The following ELF1 variants were observed in gnomAD, a reference collection of about 807,000 sequenced individuals.
The protein encoded by ELF1 is E74 like ETS transcription factor 1.
ELF1 carries 24 observed loss-of-function variants against 59.9 expected under a neutral mutation model. That is an observed-to-expected ratio of 0.40 (90% CI 0.29 to 0.56). The LOEUF is 0.56. ELF1 is among the 20% of genes least tolerant of loss of function. ELF1 has a pLI of 0.44. For synonymous variants in ELF1, 248 were observed against 266.2 expected, an observed-to-expected ratio of 0.93 and a Z score of 0.67; for missense variants, 627 against 742.2, an observed-to-expected ratio of 0.84 and a Z score of 1.80.
intron 1 of ELF1, among the ~76,000 whole-genome samples, chr13:41,034,364 A>G (rs1876288665): frequency 6.6e-6 from 1 of 152,232 alleles, no homozygotes; most frequent in Non-Finnish European, 1.5e-5. Context: ...TTTCATCACT[A>G]TACTATGACT....
intron 1 of ELF1, 58 bp from the exon 2 acceptor site, chr13:40,982,340 T>C: frequency 8.8e-7 from 1 of 1,130,244 alleles, no homozygotes; most frequent in Non-Finnish European, 1.1e-6. Context: ...TAGGATATAA[T>C]AACTGATACA....
At chr13:40,948,111 G>A (rs1307159375) in intron 5 of ELF1, among the ~76,000 whole-genome samples, 1 of 152,164 alleles carries the variant, frequency 6.6e-6, no homozygotes, top group East Asian at 1.9e-4. Flanking sequence ...AAATAAATGA[G>A]GCAAGTCCTA....
chr13:41,016,775 G>A (rs954301832), intron 1 of ELF1, among the ~76,000 whole-genome samples: 2 of 150,876 alleles, frequency 1.3e-5, no homozygotes, highest in African/African-American at 4.9e-5. Context: ...TTAGCTGGGC[G>A]TGGTGGCGCA....
chr13:41,020,853 T>C (rs1875659425), upstream of ELF1, among the ~76,000 whole-genome samples: 1 of 152,118 alleles, frequency 6.6e-6, no homozygotes, highest in African/African-American at 2.4e-5. Context: ...AATGTAAACC[T>C]AACAATTTGA....
At chr13:40,991,904 T>A (rs1191820357) in intron 1 of ELF1, among the ~76,000 whole-genome samples, 1 of 152,190 alleles carries the variant, frequency 6.6e-6, no homozygotes, top group Non-Finnish European at 1.5e-5. Flanking sequence ...AAGTAGTGAT[T>A]TGGGATCACA....
At chr13:41,024,273 T>C (rs571865008), upstream of ELF1, among the ~76,000 whole-genome samples, 38 of 152,254 alleles carry the variant, frequency 2.5e-4, no homozygotes, top group Non-Finnish European at 4.1e-4. Flanking sequence ...GTCAGGCTTA[T>C]GAGAACCACT....
At chr13:41,001,971 A>C (rs1874474165) in intron 1 of ELF1, among the ~76,000 whole-genome samples, 1 of 152,220 alleles carries the variant, frequency 6.6e-6, no homozygotes, top group Non-Finnish European at 1.5e-5. Context: ...ACTCCTAGTT[A>C]CAATCCAACC....
intron 3 of ELF1, among the ~76,000 whole-genome samples, chr13:40,956,817 C>T (rs1294680794): frequency 6.6e-6 from 1 of 150,546 alleles, no homozygotes; most frequent in African/African-American, 2.4e-5. Flanking sequence ...CTCAGCCTTC[C>T]GAATAGCTAA....
At chr13:40,940,131 AAAT>A (rs1283632119) in intron 8 of ELF1, among the ~76,000 whole-genome samples, 2 of 152,316 alleles carry the variant, frequency 1.3e-5, no homozygotes, top group South Asian at 2.1e-4. Context: ...AAAAGTAATC[AAAT>A]AATAATTTTT....
Position 40,933,450 on chromosome 13 carries a change from T to G in ELF1, c.1835A>C (p.Glu612Ala), listed in dbSNP as rs144467943. ...FTSQVAMKQN[E>A]LLEPNSF Reference sequence around the variant, plus strand: ...CTAAAAAGAGTTGGGTTCCAGCAGTTCGTTTTGTTTCATAGCTACCTGAGA... The same window carrying G: ...CTAAAAAGAGTTGGGTTCCAGCAGTGCGTTTTGTTTCATAGCTACCTGAGA... The change falls in exon 9 of 9, where the codon GAA (glutamate) becomes GCA (alanine). Residue 612 changes from glutamate (E) to alanine (A), a missense_variant. Physicochemically the swap from Glu to Ala is moderately radical, Grantham distance 107. Around this residue, in one of 3 missense-constraint regions of ELF1, gnomAD observed 361 missense variants for 396.1 expected, o/e 0.91. Coordinates refer to ENST00000239882, the MANE Select transcript of ELF1 (RefSeq NM_172373.4). 3.2e-5 allele frequency: 52 copies of G among 1,613,444 alleles called. No homozygotes were observed. The highest frequency in any genetic ancestry group is 4.2e-5 in the Non-Finnish European group (50 of 1,179,658).
chr13:40,940,899 A>C, intron 8 of ELF1, 22 bp downstream of exon 8: 2 of 1,592,188 alleles, frequency 1.3e-6, no homozygotes, highest in Non-Finnish European at 8.6e-7. Flanking sequence ...AGTGATAAGC[A>C]TCAGTAGTTT....
chr13:41,011,461 T>C (rs958831074), intron 1 of ELF1, among the ~76,000 whole-genome samples: 1 of 152,138 alleles, frequency 6.6e-6, no homozygotes, highest in African/African-American at 2.4e-5. Flanking sequence ...ACTTTTTTTT[T>C]GAGACAAGGT....
chr13:40,935,547 G>A (rs570935455), intron 8 of ELF1, among the ~76,000 whole-genome samples: 27 of 152,266 alleles, frequency 1.8e-4, no homozygotes, highest in Non-Finnish European at 3.7e-4. Context: ...ACTAGAGCCC[G>A]CCCATTCACG....
In ELF1 at chr13:40,982,177, A is replaced by T. The variant is rs919566221; in HGVS notation, c.-123T>A. The T allele has an allele frequency of 6.0e-6, 8 of 1,336,724 alleles. No individual in the cohort carries two copies. Among genetic ancestry groups the T allele is most frequent in the Non-Finnish European group, 7.7e-6 (8 of 1,039,262 alleles). The allele number at this position is 1,336,724 out of a possible 1,614,324, so 82.8% of individuals were successfully genotyped here. ...AGCTCTGTCTGTGGAGTAATTGTAT[A>T]CCCAAGTTTTCTTTAGGGAAGGTGC... On this transcript the variant is annotated 5_prime_UTR_variant, in exon 2 of 9. Coordinates refer to ENST00000239882, the MANE Select transcript of ELF1 (RefSeq NM_172373.4).
chr13:40,954,221 C>CA (rs1209523053), intron 3 of ELF1, among the ~76,000 whole-genome samples: 2 of 151,994 alleles, frequency 1.3e-5, no homozygotes, highest in Non-Finnish European at 2.9e-5. Flanking sequence ...TGAATACATG[C>CA]AAAAAATGCT....
chr13:40,979,423 G>C (rs988292112), intron 2 of ELF1, among the ~76,000 whole-genome samples: 5 of 152,170 alleles, frequency 3.3e-5, no homozygotes, highest in Admixed American at 2.0e-4. Flanking sequence ...AAGTCACAGA[G>C]ATAATAAGCA....
At chr13:40,987,002 C>T (rs763855395) in intron 1 of ELF1, among the ~76,000 whole-genome samples, 85 of 144,910 alleles carry the variant, frequency 5.9e-4, no homozygotes, top group Admixed American at 1.3e-3. Flanking sequence ...GTGGCGCCAT[C>T]TCGGCTCATT....
At chr13:41,024,027 T>C (rs574625131), upstream of ELF1, among the ~76,000 whole-genome samples, 16 of 152,350 alleles carry the variant, frequency 1.1e-4, no homozygotes, top group Admixed American at 3.3e-4. Context: ...ATATTAAAAA[T>C]AACCAAGAAT....
At position 41,031,647 on chromosome 13, in the gene ELF1, G is replaced by A. The variant is rs143044970; in HGVS notation, c.-229+29191C>T. Among the ~76,000 whole-genome samples, 1,445 of 151,556 alleles carry A rather than the reference G, an allele frequency of 9.5e-3. 26 individuals carry two copies. The highest frequency in any genetic ancestry group is 0.033 in the African/African-American group (1,362 of 41,298). On this transcript the variant is annotated intron_variant, in intron 1 of 1. Coordinates refer to the ELF1 transcript ENST00000405737. ...AGCCTGGCCAAGATGGTGAAACCCC[G>A]TCTTTACTAAAAATACAAAAAAATT...
Sources: allele counts gnomAD v4.1 joint callset (sites outside exome capture counted in the v4.1 genomes callset), GRCh38; gene constraint gnomAD v4.1.1; regional missense constraint gnomAD v4.1.1; transcripts MANE v1.5; gene names NCBI Gene and HGNC (gene_info 2026-07-23, HGNC 2026-07-21).